Variants in DNAH8 observed in about 807,000 individuals in gnomAD.
DNAH8 encodes dynein axonemal heavy chain 8.
A neutral mutation model predicts 562.1 loss-of-function variants in DNAH8; 382 were observed. The ratio of observed to expected loss-of-function variants is 0.68; its 90% CI spans 0.63 to 0.74. The LOEUF (loss-of-function observed/expected upper bound fraction) is 0.74, where lower values mean the gene tolerates loss of function less well. Ranked by LOEUF, DNAH8 falls within the 30% of genes least tolerant of loss-of-function variation. The pLI, the probability that DNAH8 is intolerant of heterozygous loss-of-function variation, is 0.00. For synonymous variants in DNAH8, 1,881 were observed against 1,919.4 expected (o/e 0.98, Z 0.52); for missense variants, 5,203 against 5,620.4 (o/e 0.93, Z 2.37).
chr6:38,723,979 TTAA>T (rs1217121402), intron 3 of DNAH8, among the ~76,000 whole-genome samples: 2 of 101,358 alleles, frequency 2.0e-5, no homozygotes, highest in African/African-American at 3.0e-5. Flanking sequence ...ATTTAATTAA[TTAA>T]TTAATTAATT....
intron 21 of DNAH8, among the ~76,000 whole-genome samples, chr6:38,799,947 T>C (rs1770625815): frequency 1.3e-5 from 2 of 152,204 alleles, no homozygotes; most frequent in South Asian, 4.2e-4. Context: ...ACTTAATTTC[T>C]TTTTTTTCTT....
intron 10 of DNAH8, among the ~76,000 whole-genome samples, chr6:38,758,837 A>G (rs1766192625): frequency 1.3e-5 from 2 of 151,898 alleles, no homozygotes; most frequent in South Asian, 4.2e-4. Context: ...ATGTTTATTG[A>G]TTTGTGTACG....
chr6:38,865,815 A>G (rs1025447530), intron 45 of DNAH8, among the ~76,000 whole-genome samples: 19 of 152,150 alleles, frequency 1.2e-4, no homozygotes, highest in African/African-American at 4.3e-4. Context: ...GGCAGCCTCA[A>G]TTTCTGTATT....
intron 43 of DNAH8, among the ~76,000 whole-genome samples, 162 bp from the exon 44 acceptor site, chr6:38,862,118 A>C (rs935929904): frequency 8.5e-5 from 13 of 152,148 alleles, no homozygotes; most frequent in Admixed American, 7.9e-4. Context: ...AGTACTTTTA[A>C]TGAATATCAA....
chr6:38,848,796 C>T lies in DNAH8; in HGVS notation c.5194C>T (p.Pro1732Ser). Residue 1732 changes from proline to serine, a missense_variant, in exon 37 of 93, where the codon CCT becomes TCT. By Grantham distance (74) the Pro-to-Ser change is moderately conservative. This residue lies in a region of DNAH8 where 2,176 missense variants were observed against 2,365.1 expected (regional missense o/e 0.92). Coordinates refer to ENST00000327475, the MANE Select transcript of DNAH8 (RefSeq NM_001206927.2). The stretch of plus-strand genomic sequence containing the variant: ...AGGTGGAGATATTGCCAAACAGCTG[C>T]CTCAGGTAAATATGGCTTTTGTAAT... ...FVGGDIAKQL[P>S]QEAKRFQNID... is the part of the protein sequence containing the mutation. The T allele has an allele frequency of 6.2e-7, 1 of 1,613,036 alleles. No homozygotes were observed. The highest frequency in any genetic ancestry group is 8.5e-7 in the Non-Finnish European group (1 of 1,179,350).
intron 30 of DNAH8, among the ~76,000 whole-genome samples, chr6:38,832,106 G>T (rs1022723197): frequency 3.3e-5 from 5 of 152,148 alleles, no homozygotes; most frequent in Non-Finnish European, 7.4e-5. Flanking sequence ...ACCAGAAACA[G>T]TTACAGAGAA....
At position 38,993,648 on chromosome 6, in the gene DNAH8, C is replaced by T. The variant is rs540273947; in HGVS notation, c.13214+3476C>T. 7.9e-5 allele frequency among the ~76,000 whole-genome samples: 12 copies of T among 151,280 alleles called. No individual in the cohort carries two copies. In the South Asian group the frequency reaches 1.5e-3, roughly 19 times the overall value. On this transcript the variant is annotated intron_variant, in intron 88 of 92. Transcript: ENST00000327475. ...ATACATATATACATATTGTTATTAC[C>T]CTTTCTTATACAAAGTTGCCAAACT...
At chr6:38,755,420 C>T (rs180698659) in intron 9 of DNAH8, among the ~76,000 whole-genome samples, 1 of 152,250 alleles carries the variant, frequency 6.6e-6, no homozygotes, top group East Asian at 1.9e-4. Context: ...TTTATCTCTT[C>T]TGCTCTGTTG....
chr6:38,917,233 AT>A lies in DNAH8; in HGVS notation c.10141-5del, dbSNP rs77856691. 1 of 1,559,834 alleles carries A rather than the reference AT, an allele frequency of 6.4e-7. No homozygotes were observed. Among genetic ancestry groups the A allele is most frequent in the Non-Finnish European group, 8.6e-7 (1 of 1,160,428 alleles). On this transcript the variant is annotated splice_polypyrimidine_tract_variant and splice_region_variant and intron_variant, in intron 68 of 92. Transcript: ENST00000327475. The stretch of plus-strand genomic sequence containing the variant: ...ACAAAATATTGATCCTTAATCCCAA[AT>A]ATAGACTATCAAGCCAAATGATATT...
At position 38,742,993 on chromosome 6, in the gene DNAH8, ATGT is replaced by A. The variant is rs144662466; in HGVS notation, c.1293+1116_1293+1118del. On this transcript the variant is annotated intron_variant, in intron 8 of 92. Transcript: ENST00000327475. ...TTGAGCGGTATGGTTTTCCAAAAAA[ATGT>A]TGTTGTTGTGCTTTTTTTTTTTTTT... Among the ~76,000 whole-genome samples, 799 of 133,910 alleles carry A rather than the reference ATGT, an allele frequency of 6.0e-3. 8 individuals are homozygous for A. The highest frequency in any genetic ancestry group is 0.019 in the African/African-American group (741 of 38,018). 87.9% of individuals were successfully genotyped at this position (133,910 alleles called of 152,430 possible).
At chr6:39,028,040 G>A (rs1320903711) in intron 92 of DNAH8, among the ~76,000 whole-genome samples, 1 of 152,044 alleles carries the variant, frequency 6.6e-6, no homozygotes, top group Non-Finnish European at 1.5e-5. Context: ...CGAGGGCCAC[G>A]TTTCCTTCAG....
At chr6:38,957,124 A>C (rs1231526126) in intron 82 of DNAH8, among the ~76,000 whole-genome samples, 3 of 152,174 alleles carry the variant, frequency 2.0e-5, no homozygotes, top group Non-Finnish European at 4.4e-5. Flanking sequence ...CCATAAAAAG[A>C]ACAGGAGTAA....
intron 30 of DNAH8, 70 bp downstream of exon 30, chr6:38,828,358 C>A: frequency 1.2e-6 from 1 of 859,292 alleles, no homozygotes; most frequent in Non-Finnish European, 1.8e-6. Flanking sequence ...TATTTTATAC[C>A]TTTTTAAAGC....
chr6:38,742,987 A>C, intron 8 of DNAH8, among the ~76,000 whole-genome samples: 1 of 137,788 alleles, frequency 7.3e-6, no homozygotes, highest in Non-Finnish European at 1.6e-5. Context: ...ATGGTTTTCC[A>C]AAAAAATGTT....
chr6:38,886,268 A>G (rs1432862734), intron 56 of DNAH8, among the ~76,000 whole-genome samples: 1 of 152,168 alleles, frequency 6.6e-6, no homozygotes, highest in Non-Finnish European at 1.5e-5. Context: ...TGGAAAAAAA[A>G]CAAGCCTCTG....
chr6:39,024,239 G>T (rs907206039), intron 91 of DNAH8, among the ~76,000 whole-genome samples: 1 of 152,174 alleles, frequency 6.6e-6, no homozygotes, highest in Admixed American at 6.5e-5. Flanking sequence ...TTGTACAAAT[G>T]GATGGTTAAG....
At chr6:38,838,248 G>T (rs1170439780) in intron 33 of DNAH8, among the ~76,000 whole-genome samples, 6 of 152,128 alleles carry the variant, frequency 3.9e-5, no homozygotes, top group Non-Finnish European at 2.9e-5. Context: ...TAAAAAATAT[G>T]TTGCTAAAAT....
Position 38,723,331 on chromosome 6 carries a change from C to A in DNAH8, c.391-6C>A. On this transcript the variant is annotated splice_region_variant and splice_polypyrimidine_tract_variant and intron_variant, in intron 2 of 92. Coordinates refer to ENST00000327475, the MANE Select transcript of DNAH8 (RefSeq NM_001206927.2). ...GCAATTTTTGAACTTGGTTTTCATTCCTTAGGCAAGATTTAGAGAGGCAAG... is the reference window on the plus strand; with the variant it reads ...GCAATTTTTGAACTTGGTTTTCATTACTTAGGCAAGATTTAGAGAGGCAAG... 1.9e-6 allele frequency: 3 copies of A among 1,593,742 alleles called. No homozygotes were observed. Among genetic ancestry groups the A allele is most frequent in the Non-Finnish European group, 2.6e-6 (3 of 1,174,490 alleles).
chr6:38,792,092 G>A (rs995834678), intron 21 of DNAH8, among the ~76,000 whole-genome samples: 7 of 151,838 alleles, frequency 4.6e-5, no homozygotes, highest in African/African-American at 1.7e-4. Flanking sequence ...GCTTAGCCAG[G>A]ACTTTTTTTT....
Sources: allele counts gnomAD v4.1 joint callset (sites outside exome capture counted in the v4.1 genomes callset), GRCh38; gene constraint gnomAD v4.1.1; regional missense constraint gnomAD v4.1.1; transcripts MANE v1.5; gene names NCBI Gene and HGNC (gene_info 2026-07-23, HGNC 2026-07-21).